DAB2IP: variants seen among roughly 807,000 people sequenced by gnomAD.
DAB2IP encodes DAB2 interacting protein.
In DAB2IP, 28 loss-of-function variants were observed where a neutral mutation model predicts 107.2. The observed-to-expected ratio is 0.26, with a 90% CI of 0.19 to 0.36. The LOEUF (loss-of-function observed/expected upper bound fraction) is 0.36. Ranked by LOEUF, DAB2IP falls within the 10% of genes least tolerant of loss-of-function variation. DAB2IP has a pLI of 1.00. For synonymous variants in DAB2IP, 755 were observed against 706.4 expected (o/e 1.07, Z -1.09); for missense variants, 1,400 against 1,644.7 (o/e 0.85, Z 2.57).
At chr9:121,642,061 T>C (rs150730747) in intron 1 of DAB2IP, among the ~76,000 whole-genome samples, 8,286 of 103,928 alleles carry the variant, frequency 0.08, 1,292 homozygotes, top group African/African-American at 0.27. Flanking sequence ...CTTTCTTTCT[T>C]TCTTTCTTTC....
chr9:121,678,775 G>C (rs1828411621), exon 2 of DAB2IP: 1 of 1,589,394 alleles, frequency 6.3e-7, no homozygotes, highest in Non-Finnish European at 8.6e-7. Context: ...CGCCGTTCCG[G>C]GTCACGGTAA....
chr9:121,783,290 G>A (rs1054476017), exon 16 of DAB2IP: 2 of 1,393,700 alleles, frequency 1.4e-6, no homozygotes, highest in East Asian at 5.5e-5. Flanking sequence ...CACAGGCCCA[G>A]GCTGATGCTC....
At chr9:121,686,989 T>C (rs750491529) in intron 2 of DAB2IP, among the ~76,000 whole-genome samples, 2 of 152,058 alleles carry the variant, frequency 1.3e-5, no homozygotes, top group Non-Finnish European at 2.9e-5. Context: ...GACCAAGTTC[T>C]TAGGTGGTGA....
intron 6 of DAB2IP, among the ~76,000 whole-genome samples, chr9:121,762,294 A>AT (rs1415900757): frequency 6.6e-6 from 1 of 152,140 alleles, no homozygotes; most frequent in Non-Finnish European, 1.5e-5. Context: ...GGAAGTTCTC[A>AT]TCCCAGCACT....
intron 2 of DAB2IP, among the ~76,000 whole-genome samples, chr9:121,689,384 A>T (rs931794678): frequency 2.6e-5 from 4 of 151,956 alleles, no homozygotes; most frequent in Non-Finnish European, 5.9e-5. Flanking sequence ...TGGCCCGCAG[A>T]TGGTAAATCA....
chr9:121,691,895 G>C (rs750980454), intron 2 of DAB2IP, among the ~76,000 whole-genome samples: 1 of 152,232 alleles, frequency 6.6e-6, no homozygotes, highest in Non-Finnish European at 1.5e-5. Flanking sequence ...GGAAGCTTCA[G>C]CTCTTGCCAG....
chr9:121,727,470 A>G (rs1831296089), intron 3 of DAB2IP, among the ~76,000 whole-genome samples: 1 of 152,228 alleles, frequency 6.6e-6, no homozygotes, highest in African/African-American at 2.4e-5. Flanking sequence ...GGGTGTGGCA[A>G]GGGTGAGGGC....
intron 2 of DAB2IP, among the ~76,000 whole-genome samples, chr9:121,681,173 G>A (rs55888753): frequency 6.3e-4 from 96 of 152,146 alleles, no homozygotes; most frequent in Non-Finnish European, 1.1e-3. Flanking sequence ...ACTAAGTGGC[G>A]GAACCAAGAT....
At chr9:121,573,531 C>T (rs7857640) in intron 1 of DAB2IP, among the ~76,000 whole-genome samples, 2,284 of 152,026 alleles carry the variant, frequency 0.015, 71 homozygotes, top group African/African-American at 0.05. Context: ...ACTACAGGCG[C>T]GCAACACCAG....
chr9:121,599,796 A>G lies in DAB2IP; in HGVS notation c.40+32568A>G, dbSNP rs1202337370. Among the ~76,000 whole-genome samples, 3 of 148,922 alleles carry G rather than the reference A, an allele frequency of 2.0e-5. No homozygotes were observed. The highest frequency in any genetic ancestry group is 6.6e-5 in the Admixed American group (1 of 15,076). On this transcript the variant is annotated intron_variant, in intron 1 of 16. Coordinates refer to the DAB2IP transcript ENST00000259371. This position sits in a 1 kb window ranked among gnomAD's most constrained non-coding sequence, Gnocchi z 6.9. The stretch of plus-strand genomic sequence containing the variant: ...AAGCTGGGGGCCGCGGCTCAGGTGG[A>G]GGGGGGCTCGGTGGTTTGCCGGGAT...
chr9:121,752,064 G>A (rs1733406894), intron 3 of DAB2IP: 1 of 980,246 alleles, frequency 1.0e-6, no homozygotes, highest in Admixed American at 6.1e-5. Flanking sequence ...GGGGCCGTGG[G>A]GAGCAGTGTG....
intron 3 of DAB2IP, chr9:121,737,217 C>T (rs1052942027): frequency 1.1e-4 from 112 of 985,252 alleles, no homozygotes; most frequent in Non-Finnish European, 1.3e-4. Context: ...CCCCAGAGGG[C>T]GACTTGCCAT....
At chr9:121,762,923 G>A (rs996551643) in intron 6 of DAB2IP, among the ~76,000 whole-genome samples, 4 of 152,298 alleles carry the variant, frequency 2.6e-5, no homozygotes, top group South Asian at 2.1e-4. Context: ...GGGCAGTGGC[G>A]CCTCCACCTT....
At chr9:121,668,961 G>A (rs2119111603) in intron 1 of DAB2IP, among the ~76,000 whole-genome samples, 1 of 140,008 alleles carries the variant, frequency 7.1e-6, no homozygotes, top group African/African-American at 2.7e-5. Context: ...TGTCACCCAG[G>A]CTGGAGTTCA....
intron 1 of DAB2IP, among the ~76,000 whole-genome samples, chr9:121,601,497 G>A (rs1830682269): frequency 6.6e-6 from 1 of 152,148 alleles, no homozygotes; most frequent in African/African-American, 2.4e-5. Flanking sequence ...CACTGGTTCT[G>A]GAACAACCCT....
chr9:121,687,920 G>C (rs1277806597), intron 2 of DAB2IP, among the ~76,000 whole-genome samples: 1 of 152,182 alleles, frequency 6.6e-6, no homozygotes, highest in Non-Finnish European at 1.5e-5. Flanking sequence ...GGCCCAGAGA[G>C]GGGAGGTGCA....
At chr9:121,728,667 G>A (rs149225876) in intron 3 of DAB2IP, among the ~76,000 whole-genome samples, 2 of 152,186 alleles carry the variant, frequency 1.3e-5, no homozygotes, top group Admixed American at 6.5e-5. Flanking sequence ...GTGAGGGTGG[G>A]GAGGCCTGCA....
exon 7 of DAB2IP, chr9:121,763,594 G>A: frequency 6.2e-7 from 1 of 1,613,888 alleles, no homozygotes; most frequent in South Asian, 1.1e-5. Flanking sequence ...TGGCCACCAA[G>A]GCCATTGAGG....
At position 121,699,606 on chromosome 9, in the gene DAB2IP, C is replaced by A; in HGVS notation, c.362+148C>A. 1 of 681,414 alleles carries A rather than the reference C, an allele frequency of 1.5e-6. No homozygotes were observed. The highest frequency in any genetic ancestry group is 1.9e-6 in the Non-Finnish European group (1 of 518,800). 42.2% of individuals were successfully genotyped at this position (681,414 alleles called of 1,614,324 possible). ...CGCCCGCCGGGAACTTATGGGGCCA[C>A]CTCGGCCGGACTAGGGGGCCCGAGG... On this transcript the variant is annotated intron_variant, in intron 3 of 15. Transcript: ENST00000408936. The surrounding 1 kb of genome is among the most constrained non-coding windows in gnomAD (Gnocchi z 6.2).
Sources: allele counts gnomAD v4.1 joint callset (sites outside exome capture counted in the v4.1 genomes callset), GRCh38; gene constraint gnomAD v4.1.1; non-coding constraint Gnocchi (gnomAD v3.1); transcripts MANE v1.5; gene names NCBI Gene and HGNC (gene_info 2026-07-23, HGNC 2026-07-21).